Variants in LSAMP observed in about 807,000 individuals in gnomAD.
LSAMP encodes limbic system-associated membrane protein.
A neutral mutation model predicts 38.6 loss-of-function variants in LSAMP; 7 were observed. That is an observed-to-expected ratio of 0.18 (90% confidence interval 0.10 to 0.34). The LOEUF is 0.34. LSAMP is among the 10% of genes least tolerant of loss of function. The pLI is 1.00. For synonymous variants in LSAMP, 154 were observed against 166.8 expected, an observed-to-expected ratio of 0.92 and a Z score of 0.59; for missense variants, 313 against 420.0, an observed-to-expected ratio of 0.75 and a Z score of 2.23.
At chr3:115,996,309 T>G (rs2107650366) in intron 3 of LSAMP, among the ~76,000 whole-genome samples, 1 of 152,254 alleles carries the variant, frequency 6.6e-6, no homozygotes, top group East Asian at 1.9e-4. Context: ...AGTTGGATGG[T>G]AGAATAGCAT....
chr3:115,979,232 T>G (rs1939285711), intron 3 of LSAMP, among the ~76,000 whole-genome samples: 1 of 151,824 alleles, frequency 6.6e-6, no homozygotes, highest in Admixed American at 6.6e-5. Context: ...GTTGGTCGTA[T>G]TGAAGCTTCT....
intron 1 of LSAMP, among the ~76,000 whole-genome samples, chr3:116,110,203 T>G (rs1369293639): frequency 1.4e-5 from 2 of 138,870 alleles, no homozygotes; most frequent in Non-Finnish European, 3.1e-5. Flanking sequence ...ACTTGCCCTT[T>G]CCCCAGAAAA....
chr3:116,146,559 C>T (rs1300600131), intron 1 of LSAMP, among the ~76,000 whole-genome samples: 1 of 151,930 alleles, frequency 6.6e-6, no homozygotes, highest in Non-Finnish European at 1.5e-5. Flanking sequence ...AAAAAATCTA[C>T]TTTTGCTATC....
chr3:116,043,577 G>A (rs2107721300), intron 2 of LSAMP, among the ~76,000 whole-genome samples: 1 of 152,314 alleles, frequency 6.6e-6, no homozygotes, highest in African/African-American at 2.4e-5. Context: ...AAGTTAGCTT[G>A]CTGCTCTGTG....
intron 1 of LSAMP, among the ~76,000 whole-genome samples, chr3:116,441,168 G>A (rs576446943): frequency 6.6e-6 from 1 of 152,214 alleles, no homozygotes; most frequent in Non-Finnish European, 1.5e-5. Context: ...TGTTAGGTAC[G>A]CTAACATTTA....
chr3:116,139,956 A>G (rs962123254), intron 1 of LSAMP, among the ~76,000 whole-genome samples: 6 of 152,018 alleles, frequency 3.9e-5, no homozygotes, highest in African/African-American at 1.4e-4. Flanking sequence ...CATAATAAGC[A>G]GAGATGGTTT....
chr3:116,017,491 A>G (rs1390007186), intron 3 of LSAMP, among the ~76,000 whole-genome samples: 1 of 152,152 alleles, frequency 6.6e-6, no homozygotes, highest in East Asian at 1.9e-4. Context: ...AATAATGGTA[A>G]GAAAACAAGA....
At chr3:116,269,901 A>G in intron 1 of LSAMP, among the ~76,000 whole-genome samples, 1 of 152,286 alleles carries the variant, frequency 6.6e-6, no homozygotes, top group African/African-American at 2.4e-5. Context: ...TGTACAATGA[A>G]TTTGTACCTA....
At chr3:116,159,056 C>T (rs946386970) in intron 1 of LSAMP, among the ~76,000 whole-genome samples, 14 of 151,956 alleles carry the variant, frequency 9.2e-5, no homozygotes, top group Non-Finnish European at 1.5e-5. Flanking sequence ...ATAAATGGGG[C>T]AGAAGATTGA....
At chr3:116,161,784 C>CA (rs1178300380) in intron 1 of LSAMP, among the ~76,000 whole-genome samples, 1 of 151,536 alleles carries the variant, frequency 6.6e-6, no homozygotes, top group Non-Finnish European at 1.5e-5. Context: ...GTTCTTCTTC[C>CA]AAAAAAAAGT....
In LSAMP at chr3:116,175,264, T is replaced by A. The variant is rs543641211; in HGVS notation, c.156-88708A>T. Among the ~76,000 whole-genome samples, 8 of 152,206 alleles carry A rather than the reference T, an allele frequency of 5.3e-5. No individual in the cohort carries two copies. In the South Asian group the frequency reaches 1.7e-3, roughly 31 times the overall value. Reference sequence around the variant, plus strand: ...TTTGGGAAATAAACTTTTTCATTTTTAAAAATTCTTAAATTGACATATAAT... The same window carrying A: ...TTTGGGAAATAAACTTTTTCATTTTAAAAAATTCTTAAATTGACATATAAT... On this transcript the variant is annotated intron_variant, in intron 1 of 6. Coordinates refer to ENST00000490035, the MANE Select transcript of LSAMP (RefSeq NM_002338.5).
At chr3:115,842,027 C>G (rs768201907) in intron 5 of LSAMP, 34 bp from the exon 6 acceptor site, 14 of 1,584,096 alleles carry the variant, frequency 8.8e-6, no homozygotes. Context: ...TAGAAAGGAT[C>G]ACTGGTGAAG....
At chr3:116,294,719 G>A (rs950419383) in intron 1 of LSAMP, among the ~76,000 whole-genome samples, 3 of 152,122 alleles carry the variant, frequency 2.0e-5, no homozygotes, top group Non-Finnish European at 2.9e-5. Flanking sequence ...TATATATTCT[G>A]TGGATAATAT....
chr3:116,070,655 C>T (rs1264978388), intron 2 of LSAMP, among the ~76,000 whole-genome samples: 5 of 152,182 alleles, frequency 3.3e-5, no homozygotes, highest in Non-Finnish European at 5.9e-5. Flanking sequence ...TTGACAAGGT[C>T]CTACCCACAC....
At chr3:116,017,659 A>G (rs1940521619) in intron 3 of LSAMP, among the ~76,000 whole-genome samples, 3 of 152,174 alleles carry the variant, frequency 2.0e-5, no homozygotes, top group Admixed American at 1.3e-4. Flanking sequence ...GTCAAACAAT[A>G]AAGGACATAC....
intron 1 of LSAMP, among the ~76,000 whole-genome samples, chr3:116,219,542 T>G (rs1008401698): frequency 6.6e-6 from 1 of 152,184 alleles, no homozygotes; most frequent in Non-Finnish European, 1.5e-5. Context: ...CTGGTTTTCA[T>G]AGTGGCTACA....
chr3:116,359,503 T>C (rs1235812542), intron 1 of LSAMP, among the ~76,000 whole-genome samples: 4 of 152,364 alleles, frequency 2.6e-5, no homozygotes, highest in South Asian at 2.1e-4. Context: ...ATGCATTAAG[T>C]AGCTTTTTAG....
intron 3 of LSAMP, among the ~76,000 whole-genome samples, chr3:115,853,199 G>A (rs1284287180): frequency 6.6e-6 from 1 of 152,206 alleles, no homozygotes; most frequent in Admixed American, 6.5e-5. Flanking sequence ...GCTTCCTTTT[G>A]AGAAACCACC....
intron 6 of LSAMP, among the ~76,000 whole-genome samples, chr3:115,817,410 T>G (rs1226936795): frequency 2.6e-5 from 4 of 152,212 alleles, no homozygotes; most frequent in Non-Finnish European, 4.4e-5. Context: ...GTATCCCTAG[T>G]GCTTAGATTA....
Sources: allele counts gnomAD v4.1 joint callset (sites outside exome capture counted in the v4.1 genomes callset), GRCh38; gene constraint gnomAD v4.1.1; transcripts MANE v1.5; gene names NCBI Gene and HGNC (gene_info 2026-07-23, HGNC 2026-07-21).